The following SLCO2B1 variants were observed in gnomAD, a reference collection of about 807,000 sequenced individuals.
SLCO2B1 encodes OATP-RP2.
A neutral mutation model predicts 67.3 loss-of-function variants in SLCO2B1; 41 were observed. The ratio of observed to expected loss-of-function variants is 0.61; its 90% CI spans 0.47 to 0.79. SLCO2B1 has a LOEUF of 0.79. Ranked by LOEUF, SLCO2B1 falls within the 30% of genes least tolerant of loss-of-function variation. The pLI, the probability that SLCO2B1 is intolerant of heterozygous loss-of-function variation, is 0.00. For synonymous variants in SLCO2B1, 379 were observed against 381.4 expected (o/e 0.99, Z 0.07); for missense variants, 837 against 920.1 (o/e 0.91, Z 1.17).
intron 9 of SLCO2B1, 36 bp from the exon 10 acceptor site, chr11:75,196,478 A>G (rs1279878728): frequency 6.3e-7 from 1 of 1,598,402 alleles, no homozygotes; most frequent in African/African-American, 1.3e-5. Context: ...AAGGGAGGGA[A>G]GCCAGGCCAA....
In SLCO2B1 at chr11:75,200,136, C is replaced by G. The variant is rs117800383; in HGVS notation, c.1600-88C>G. 2.9e-6 allele frequency: 4 copies of G among 1,393,280 alleles called. No homozygotes were observed. In the South Asian group the frequency reaches 5.5e-5, roughly 19 times the overall value. The allele number at this position is 1,393,280 out of a possible 1,614,324, so 86.3% of individuals were successfully genotyped here. A position where few individuals can be genotyped will look rare whatever the true frequency, so the allele number is the denominator to read the frequency against. The stretch of plus-strand genomic sequence containing the variant: ...CCCCAACTGGCTGTGGAACTTGGGC[C>G]TCTCACAAGCCTTCCCCGCTGCAAG... On this transcript the variant is annotated intron_variant, in intron 10 of 13. Transcript: ENST00000289575.
intron 11 of SLCO2B1, 98 bp from the exon 12 acceptor site, chr11:75,202,803 G>A: frequency 9.7e-7 from 1 of 1,034,462 alleles, no homozygotes; most frequent in South Asian, 1.3e-5. Flanking sequence ...CTGGGTGGTG[G>A]GAGAGAAGGG....
intron 1 of SLCO2B1, among the ~76,000 whole-genome samples, chr11:75,155,372 A>C (rs1401654230): frequency 6.6e-6 from 1 of 151,836 alleles, no homozygotes; most frequent in African/African-American, 2.4e-5. Context: ...CCCCCATCCC[A>C]ACTCATGCAC....
chr11:75,161,879 A>G (rs1255800133), intron 1 of SLCO2B1, among the ~76,000 whole-genome samples: 1 of 152,088 alleles, frequency 6.6e-6, no homozygotes, highest in East Asian at 1.9e-4. Context: ...CATTGCAGTG[A>G]GTGAGATACT....
intron 1 of SLCO2B1, among the ~76,000 whole-genome samples, chr11:75,161,703 G>A (rs1194853515): frequency 6.6e-6 from 1 of 152,190 alleles, no homozygotes; most frequent in Non-Finnish European, 1.5e-5. Context: ...AGGAAGTGGA[G>A]CCGCAGAAGG....
intron 7 of SLCO2B1, among the ~76,000 whole-genome samples, chr11:75,184,748 C>T (rs1311083197): frequency 6.6e-6 from 1 of 152,164 alleles, no homozygotes; most frequent in African/African-American, 2.4e-5. Flanking sequence ...TGGCTCCTCG[C>T]TGCTCATGGA....
intron 6 of SLCO2B1, among the ~76,000 whole-genome samples, chr11:75,170,779 T>G (rs1452144403): frequency 6.6e-6 from 1 of 151,926 alleles, no homozygotes; most frequent in Admixed American, 6.6e-5. Context: ...CTGCGACCCC[T>G]CCCTCCCCTG....
intron 10 of SLCO2B1, chr11:75,199,738 C>T (rs1168630509): frequency 6.5e-6 from 1 of 153,726 alleles, no homozygotes; most frequent in Admixed American, 6.5e-5. Flanking sequence ...AAGCCCAGGC[C>T]TCTTGGCTTG....
chr11:75,169,793 A>G, intron 6 of SLCO2B1, 29 bp downstream of exon 6: 2 of 1,554,604 alleles, frequency 1.3e-6, no homozygotes, highest in Non-Finnish European at 1.8e-6. Context: ...TGTTTGCTAG[A>G]CCCTAGCTAA....
chr11:75,197,882 C>T (rs1945124166), intron 10 of SLCO2B1, among the ~76,000 whole-genome samples: 1 of 152,206 alleles, frequency 6.6e-6, no homozygotes. Context: ...TCCTCCTCCC[C>T]TTTTTCCTCA....
At chr11:75,200,537 G>A (rs1945167093) in intron 11 of SLCO2B1, 150 bp downstream of exon 11, 2 of 681,288 alleles carry the variant, frequency 2.9e-6, no homozygotes, top group Admixed American at 3.6e-5. Context: ...TCATCCCATG[G>A]CAACCTACTG....
chr11:75,184,168 T>C (rs3781723), intron 7 of SLCO2B1, among the ~76,000 whole-genome samples: 16,468 of 152,164 alleles, frequency 0.11, 1,676 homozygotes, highest in East Asian at 0.38. Context: ...GCATTGGCTA[T>C]ACCCACTTCT....
At chr11:75,189,571 CA>C (rs1438616414) in intron 8 of SLCO2B1, among the ~76,000 whole-genome samples, 1 of 152,116 alleles carries the variant, frequency 6.6e-6, no homozygotes, top group Non-Finnish European at 1.5e-5. Flanking sequence ...AGGGCATGTC[CA>C]CAGGAGTTGC....
At chr11:75,161,304 A>G (rs1449127857) in intron 1 of SLCO2B1, among the ~76,000 whole-genome samples, 2 of 152,224 alleles carry the variant, frequency 1.3e-5, no homozygotes, top group Non-Finnish European at 2.9e-5. Flanking sequence ...ATGGAGGGTG[A>G]CTACAGATGG....
At chr11:75,159,687 T>C (rs1591808349) in intron 1 of SLCO2B1, 11 of 204,468 alleles carry the variant, frequency 5.4e-5, no homozygotes, top group Non-Finnish European at 7.8e-5. Context: ...TGACCCCCAA[T>C]ACATGACTCG....
At chr11:75,186,322 CCT>C (rs1944930258) in intron 7 of SLCO2B1, among the ~76,000 whole-genome samples, 1 of 151,910 alleles carries the variant, frequency 6.6e-6, no homozygotes, top group African/African-American at 2.4e-5. Flanking sequence ...GATCTTCCTG[CCT>C]CAGCCCCCCT....
chr11:75,203,344 C>G lies in SLCO2B1; in HGVS notation c.1866C>G (p.Ile622Met), dbSNP rs755551258. The change falls in exon 13 of 14, where the codon ATC becomes ATG. Residue 622 changes from isoleucine to methionine, a missense_variant. By Grantham distance (10) the Ile-to-Met change is conservative (BLOSUM62 1). Coordinates refer to ENST00000289575, the MANE Select transcript of SLCO2B1 (RefSeq NM_007256.5). Reference sequence around the variant, plus strand: ...GCCCCGTGATCCACGGCAGCGCCATCGACACCACCTGTGTGCACTGGGCCC... The same window carrying G: ...GCCCCGTGATCCACGGCAGCGCCATGGACACCACCTGTGTGCACTGGGCCC... ...MPSPVIHGSA[I>M]DTTCVHWALS... 2.5e-6 allele frequency: 4 copies of G among 1,613,986 alleles called. No individual in the cohort carries two copies. The highest frequency in any genetic ancestry group is 3.3e-5 in the Admixed American group (2 of 59,996).
At chr11:75,196,441 GGCCGAGGAT>G in intron 9 of SLCO2B1, 64 bp from the exon 10 acceptor site, 1 of 1,479,754 alleles carries the variant, frequency 6.8e-7, no homozygotes, top group South Asian at 1.3e-5. Context: ...TCGGCTACAG[GGCCGAGGAT>G]GCCCCAGCTA....
At chr11:75,169,094 A>T in intron 4 of SLCO2B1, 79 bp from the exon 5 acceptor site, 1 of 1,185,450 alleles carries the variant, frequency 8.4e-7, no homozygotes, top group Non-Finnish European at 1.2e-6. Flanking sequence ...CACAGCACTT[A>T]GAACAGTACC....
Sources: gnomAD v4.1 joint callset for allele counts (sites outside exome capture counted in the v4.1 genomes callset) on GRCh38, gnomAD v4.1.1 for gene constraint, MANE v1.5 for transcripts, NCBI Gene and HGNC (gene_info 2026-07-23, HGNC 2026-07-21) for gene names.